NTMT1: variants seen among roughly 807,000 people sequenced by gnomAD.
NTMT1 encodes the protein N-terminal Xaa-Pro-Lys N-methyltransferase 1.
In NTMT1, 8 loss-of-function variants were observed where a neutral mutation model predicts 17.5. That is an observed-to-expected ratio of 0.46 (90% confidence interval 0.27 to 0.82). The LOEUF (loss-of-function observed/expected upper bound fraction) is 0.82. Among genes scored for constraint, NTMT1 ranks in the 40% least tolerant of loss-of-function variants. The pLI is 0.15. For synonymous variants in NTMT1, 128 were observed against 126.8 expected, an observed-to-expected ratio of 1.01 and a Z score of -0.06; for missense variants, 221 against 303.5, an observed-to-expected ratio of 0.73 and a Z score of 2.02.
At chr9:129,628,696 G>A (rs1309550766) in intron 1 of NTMT1, 1 of 152,314 alleles carries the variant, frequency 6.6e-6, no homozygotes, top group Admixed American at 6.5e-5. Context: ...TGGGAGAGGA[G>A]ACGGATGGAG....
chr9:129,611,556 C>T (rs946507220), intron 1 of NTMT1, among the ~76,000 whole-genome samples: 2 of 152,184 alleles, frequency 1.3e-5, no homozygotes, highest in Admixed American at 6.5e-5. Context: ...ACAGGGCTCT[C>T]TTCCCTCGGC....
At chr9:129,625,806 G>A (rs1051340827), upstream of NTMT1, among the ~76,000 whole-genome samples, 6 of 151,902 alleles carry the variant, frequency 3.9e-5, no homozygotes, top group Non-Finnish European at 8.8e-5. Context: ...GAAGTCAGGA[G>A]TTCGAGACCA....
chr9:129,622,882 A>T (rs1830776002), upstream of NTMT1, among the ~76,000 whole-genome samples: 1 of 151,984 alleles, frequency 6.6e-6, no homozygotes, highest in South Asian at 2.1e-4. Flanking sequence ...CAAAAAAATT[A>T]GCCGGGCGTG....
Position 129,632,665 on chromosome 9 carries a change from T to C in NTMT1, c.-39T>C. 1 of 1,609,132 alleles carries C rather than the reference T, an allele frequency of 6.2e-7. No homozygotes were observed. The highest frequency in any genetic ancestry group is 8.5e-7 in the Non-Finnish European group (1 of 1,175,962). On this transcript the variant is annotated 5_prime_UTR_variant, in exon 2 of 4. Transcript: ENST00000372483. Reference sequence around the variant, plus strand: ...CCTTACCCAGGAGAGTCGCGGTTGCTGATCGTGGTGCTTGAGTAGAGCCGT... The same window carrying C: ...CCTTACCCAGGAGAGTCGCGGTTGCCGATCGTGGTGCTTGAGTAGAGCCGT...
At chr9:129,610,503 T>G (rs1328974795) in intron 1 of NTMT1, among the ~76,000 whole-genome samples, 1 of 150,998 alleles carries the variant, frequency 6.6e-6, no homozygotes, top group East Asian at 2.0e-4. Flanking sequence ...GCGGCGCGTT[T>G]CCCCCCACCC....
At chr9:129,609,474 T>A (rs1056146811) in intron 1 of NTMT1, among the ~76,000 whole-genome samples, 2 of 152,158 alleles carry the variant, frequency 1.3e-5, no homozygotes, top group Non-Finnish European at 2.9e-5. Flanking sequence ...CAGATGGGTC[T>A]GAGTTGGGGG....
intron 1 of NTMT1, among the ~76,000 whole-genome samples, chr9:129,610,534 C>G (rs1307890858): frequency 6.6e-6 from 1 of 151,944 alleles, no homozygotes; most frequent in Non-Finnish European, 1.5e-5. Flanking sequence ...GTCGTGGGCT[C>G]GGAGCAGGTG....
At chr9:129,611,536 T>C (rs1830115650) in intron 1 of NTMT1, among the ~76,000 whole-genome samples, 1 of 152,212 alleles carries the variant, frequency 6.6e-6, no homozygotes, top group Admixed American at 6.5e-5. Context: ...GGGAAACGCA[T>C]GAGACCAACA....
chr9:129,627,303 G>GT (rs914399016), intron 1 of NTMT1, among the ~76,000 whole-genome samples: 1 of 152,188 alleles, frequency 6.6e-6, no homozygotes, highest in Non-Finnish European at 1.5e-5. Context: ...TTGCAGAGCT[G>GT]TTTGAGTCTG....
At chr9:129,621,074 C>A (rs527601333) in intron 1 of NTMT1, among the ~76,000 whole-genome samples, 1 of 152,376 alleles carries the variant, frequency 6.6e-6, no homozygotes, top group Non-Finnish European at 1.5e-5. Flanking sequence ...AGCCGTGAAA[C>A]GGCATCACCG....
upstream of NTMT1, among the ~76,000 whole-genome samples, chr9:129,625,424 C>A (rs1249453414): frequency 1.3e-5 from 2 of 152,100 alleles, no homozygotes; most frequent in Non-Finnish European, 2.9e-5. Flanking sequence ...ACTCAAAGCC[C>A]GCACAACACA....
upstream of NTMT1, among the ~76,000 whole-genome samples, chr9:129,621,475 G>A (rs1461535520): frequency 1.3e-5 from 2 of 152,226 alleles, no homozygotes; most frequent in Non-Finnish European, 2.9e-5. Context: ...TCCTGCCTCA[G>A]CCTCCTGAGT....
intron 1 of NTMT1, among the ~76,000 whole-genome samples, chr9:129,626,740 C>T (rs1286617835): frequency 6.6e-6 from 1 of 152,202 alleles, no homozygotes; most frequent in Non-Finnish European, 1.5e-5. Flanking sequence ...CGTATTTAAC[C>T]TTGGGTGCCA....
At chr9:129,610,785 T>C (rs1830097384) in intron 1 of NTMT1, among the ~76,000 whole-genome samples, 1 of 151,932 alleles carries the variant, frequency 6.6e-6, no homozygotes, top group Non-Finnish European at 1.5e-5. Context: ...AAACTGAGGC[T>C]CAGAGAGGGC....
At chr9:129,629,224 G>C (rs959082405) in intron 1 of NTMT1, among the ~76,000 whole-genome samples, 2 of 152,134 alleles carry the variant, frequency 1.3e-5, no homozygotes, top group African/African-American at 2.4e-5. Context: ...CCTGCTGGCA[G>C]AGGGGCAGGC....
chr9:129,622,018 T>C (rs978312301), upstream of NTMT1, among the ~76,000 whole-genome samples: 13 of 152,298 alleles, frequency 8.5e-5, no homozygotes, highest in African/African-American at 3.1e-4. Flanking sequence ...CACTGAGGCC[T>C]GGGGACTAAG....
intron 1 of NTMT1, chr9:129,612,341 G>T (rs369285736): frequency 6.2e-7 from 1 of 1,611,664 alleles, no homozygotes; most frequent in South Asian, 1.1e-5. Context: ...TTGGGTTCGC[G>T]AGTGTTCACC....
rs576946313 is a variant in NTMT1, at chr9:129,632,030, G to A, written c.-54-620G>A. ...TGCTCTGAGCCAGAGGAAGGGAGGCGTGGAAGCTTCCCTGGCCCTCCAGGG... is the reference window on the plus strand; with the variant it reads ...TGCTCTGAGCCAGAGGAAGGGAGGCATGGAAGCTTCCCTGGCCCTCCAGGG... On this transcript the variant is annotated intron_variant, in intron 1 of 3. Transcript: ENST00000372483. 4.0e-4 allele frequency among the ~76,000 whole-genome samples: 61 copies of A among 152,316 alleles called. 1 individual carries two copies. Among genetic ancestry groups the A allele is most frequent in the Admixed American group, 9.2e-4 (14 of 15,298 alleles).
chr9:129,615,595 G>A, intron 1 of NTMT1: 1 of 1,605,198 alleles, frequency 6.2e-7, no homozygotes, highest in Non-Finnish European at 8.5e-7. Context: ...TCCCCCGAGG[G>A]GTTGTGGGTC....
Sources: gnomAD v4.1 joint callset for allele counts (sites outside exome capture counted in the v4.1 genomes callset) on GRCh38, gnomAD v4.1.1 for gene constraint, MANE v1.5 for transcripts, NCBI Gene and HGNC (gene_info 2026-07-23, HGNC 2026-07-21) for gene names.